The following FHIP1A variants were observed in gnomAD, a reference collection of about 807,000 sequenced individuals.
FHIP1A encodes FHF complex subunit HOOK interacting protein 1A.
In FHIP1A, 61 loss-of-function variants were observed where a neutral mutation model predicts 88.6. That is an observed-to-expected ratio of 0.69 (90% CI 0.56 to 0.85). The LOEUF is 0.85. Among genes scored for constraint, FHIP1A ranks in the 40% least tolerant of loss-of-function variants. The pLI is 0.00. For synonymous variants in FHIP1A, 478 were observed against 496.0 expected (o/e 0.96, Z 0.48); for missense variants, 1,154 against 1,273.5 (o/e 0.91, Z 1.43).
intron 2 of FHIP1A, among the ~76,000 whole-genome samples, chr4:151,461,902 G>A (rs1280102472): frequency 1.3e-5 from 2 of 152,178 alleles, no homozygotes; most frequent in Non-Finnish European, 2.9e-5. Flanking sequence ...AGTGGCTTAC[G>A]CCTGTAATCC....
chr4:151,501,075 C>G (rs1430061626), intron 3 of FHIP1A, among the ~76,000 whole-genome samples: 2 of 152,100 alleles, frequency 1.3e-5, no homozygotes, highest in Non-Finnish European at 2.9e-5. Flanking sequence ...ACAAAATACT[C>G]TGTTTGAATT....
chr4:151,608,874 G>A lies in FHIP1A; in HGVS notation c.978+19948G>A, dbSNP rs574279163. 4.6e-5 allele frequency among the ~76,000 whole-genome samples: 7 copies of A among 152,282 alleles called. No homozygotes were observed. The South Asian group carries it at 1.0e-3, about 23-fold the overall frequency. Reference sequence around the variant, plus strand: ...TCTCAAAATATTTCATATAACTTAAGACTTAGTAGTAGTATCTAAAGGCGA... The same window carrying A: ...TCTCAAAATATTTCATATAACTTAAAACTTAGTAGTAGTATCTAAAGGCGA... On this transcript the variant is annotated intron_variant, in intron 7 of 13. Transcript: ENST00000435205.
At chr4:151,520,040 T>C (rs1195839207) in intron 3 of FHIP1A, among the ~76,000 whole-genome samples, 1 of 152,204 alleles carries the variant, frequency 6.6e-6, no homozygotes, top group Non-Finnish European at 1.5e-5. Context: ...GTGACTTGCC[T>C]ATTCTCTTTA....
chr4:151,496,261 A>G (rs199998650), intron 3 of FHIP1A, among the ~76,000 whole-genome samples: 1 of 149,628 alleles, frequency 6.7e-6, no homozygotes, highest in Admixed American at 6.7e-5. Context: ...ATATATATAT[A>G]TTTTTTCTTT....
At chr4:151,643,980 G>C (rs1379290394) in intron 9 of FHIP1A, among the ~76,000 whole-genome samples, 1 of 152,186 alleles carries the variant, frequency 6.6e-6, no homozygotes. Context: ...CTTTGATCCA[G>C]TGTTCCATTT....
intron 2 of FHIP1A, among the ~76,000 whole-genome samples, chr4:151,460,898 A>G (rs2709817): frequency 0.52 from 79,049 of 152,080 alleles, 20,849 homozygotes; most frequent in African/African-American, 0.55. Context: ...TAGGAAAATG[A>G]AATAGGGCTT....
chr4:151,544,581 C>G (rs1732414832), intron 3 of FHIP1A, among the ~76,000 whole-genome samples: 1 of 152,118 alleles, frequency 6.6e-6, no homozygotes, highest in African/African-American at 2.4e-5. Context: ...TGGCCTGTCC[C>G]TCACAGACCG....
chr4:151,464,777 G>C (rs540039776), intron 2 of FHIP1A, among the ~76,000 whole-genome samples: 2 of 152,274 alleles, frequency 1.3e-5, no homozygotes, highest in East Asian at 3.9e-4. Flanking sequence ...TTTATTTGAT[G>C]ATGAGTATGG....
chr4:151,478,388 T>C (rs1729783691), intron 2 of FHIP1A, among the ~76,000 whole-genome samples: 1 of 152,210 alleles, frequency 6.6e-6, no homozygotes, highest in Non-Finnish European at 1.5e-5. Context: ...CATGCCTTGC[T>C]GTTAGCACTT....
At chr4:151,427,803 CATGTGAGTAAAATCATTGGCG>C (rs1487063408) in intron 1 of FHIP1A, among the ~76,000 whole-genome samples, 2 of 152,012 alleles carry the variant, frequency 1.3e-5, no homozygotes, top group Non-Finnish European at 2.9e-5. Context: ...ATGACTTTTC[CATGTGAGTAAAATCATTGGCG>C]ATGTGAGTAA....
intron 2 of FHIP1A, among the ~76,000 whole-genome samples, chr4:151,463,734 A>G (rs892615445): frequency 6.6e-6 from 1 of 152,236 alleles, no homozygotes; most frequent in Admixed American, 6.5e-5. Context: ...TCTGATGACA[A>G]TACCGAGCAT....
intron 3 of FHIP1A, among the ~76,000 whole-genome samples, chr4:151,558,305 G>A (rs1249765154): frequency 6.6e-6 from 1 of 152,080 alleles, no homozygotes; most frequent in Non-Finnish European, 1.5e-5. Context: ...GGAGGCTGAG[G>A]CGGGCAGATC....
At chr4:151,562,794 G>T (rs530860132) in intron 3 of FHIP1A, among the ~76,000 whole-genome samples, 6 of 152,254 alleles carry the variant, frequency 3.9e-5, no homozygotes, top group African/African-American at 1.4e-4. Context: ...TCTAATTATT[G>T]TAGCTGTCCA....
chr4:151,446,418 A>G (rs1728601390), intron 1 of FHIP1A, among the ~76,000 whole-genome samples: 1 of 150,930 alleles, frequency 6.6e-6, no homozygotes, highest in African/African-American at 2.4e-5. Flanking sequence ...TACTGTACAT[A>G]TACACACATA....
intron 3 of FHIP1A, among the ~76,000 whole-genome samples, chr4:151,533,546 AG>A (rs1203396339): frequency 6.6e-6 from 1 of 152,398 alleles, no homozygotes; most frequent in East Asian, 1.9e-4. Context: ...GTATGCCTAT[AG>A]AACTGTTTAC....
chr4:151,424,225 C>T (rs530022810), intron 1 of FHIP1A, among the ~76,000 whole-genome samples: 1 of 152,202 alleles, frequency 6.6e-6, no homozygotes, highest in East Asian at 1.9e-4. Context: ...TGTGAGATGT[C>T]CCCATCCTTT....
chr4:151,530,663 T>C (rs777867827), intron 3 of FHIP1A, among the ~76,000 whole-genome samples: 1 of 152,190 alleles, frequency 6.6e-6, no homozygotes, highest in Non-Finnish European at 1.5e-5. Flanking sequence ...GTCAACTCCT[T>C]CTCTTTCCTG....
At chr4:151,619,625 G>T (rs571308189) in intron 7 of FHIP1A, among the ~76,000 whole-genome samples, 2 of 152,278 alleles carry the variant, frequency 1.3e-5, no homozygotes, top group East Asian at 3.9e-4. Flanking sequence ...CATGGGCTGC[G>T]AATAAATGTT....
At chr4:151,438,797 G>A (rs761443702) in intron 1 of FHIP1A, among the ~76,000 whole-genome samples, 25 of 151,502 alleles carry the variant, frequency 1.7e-4, no homozygotes, top group Non-Finnish European at 2.7e-4. Context: ...ACACACCACC[G>A]CACCTGGCTA....
Sources: gnomAD v4.1 joint callset for allele counts (sites outside exome capture counted in the v4.1 genomes callset) on GRCh38, gnomAD v4.1.1 for gene constraint, MANE v1.5 for transcripts, NCBI Gene and HGNC (gene_info 2026-07-23, HGNC 2026-07-21) for gene names.